The following DUSP4 variants were observed in gnomAD, a reference collection of about 807,000 sequenced individuals.
DUSP4 encodes dual specificity protein phosphatase 4.
Under a neutral mutation model 27.2 loss-of-function variants are expected in DUSP4, and 12 were observed. The ratio of observed to expected loss-of-function variants is 0.44; its 90% CI spans 0.28 to 0.71. DUSP4 has a LOEUF of 0.71. Among genes scored for constraint, DUSP4 ranks in the 30% least tolerant of loss-of-function variants. The probability of loss-of-function intolerance (pLI) is 0.14; values close to 1 mark genes in which losing one functional copy is unlikely to be tolerated. For synonymous variants in DUSP4, 257 were observed against 245.2 expected (o/e 1.05, Z -0.45); for missense variants, 448 against 551.3 (o/e 0.81, Z 1.88).
intron 1 of DUSP4, among the ~76,000 whole-genome samples, chr8:29,349,603 G>A (rs952444010): frequency 6.6e-6 from 1 of 152,340 alleles, no homozygotes; most frequent in Non-Finnish European, 1.5e-5. Context: ...ACGGGGCCTC[G>A]CTAGGACGGT....
rs1409105479 is a variant in DUSP4, at chr8:29,350,117, C to A, written c.162G>T (p.Leu54=). Residue 54 remains leucine (L), a synonymous_variant, in exon 1 of 4, where the codon CTG becomes CTT. Coordinates refer to ENST00000240100, the MANE Select transcript of DUSP4 (RefSeq NM_001394.7). ...CTAGGATGTAGCCCGCGCTGTGCGC[C>A]AGGAACGGTCTGCAGTCCAGCAGCA... is the stretch of plus-strand genomic sequence containing the variant. ...KCLLLDCRPF[L]AHSAGYILGS... 2 of 1,609,332 alleles carry A rather than the reference C, an allele frequency of 1.2e-6. No homozygotes were observed. The highest frequency in any genetic ancestry group is 2.2e-5 in the South Asian group (2 of 90,978).
rs1182402058 is a variant in DUSP4 at position 29,350,442 on chromosome 8, C to T, written c.-164G>A. 2 of 818,308 alleles carry T rather than the reference C, an allele frequency of 2.4e-6. No individual in the cohort carries two copies. Among genetic ancestry groups the T allele is most frequent in the Non-Finnish European group, 3.6e-6 (2 of 549,508 alleles). 50.7% of individuals were successfully genotyped at this position (818,308 alleles called of 1,614,324 possible). ...GCGGGAGAGCCTCTTCTTCCCTGTC[C>T]CCTTCCTCCCGCAGCCTCGCGGTCA... On this transcript the variant is annotated 5_prime_UTR_variant, in exon 1 of 4. Coordinates refer to ENST00000240100, the MANE Select transcript of DUSP4 (RefSeq NM_001394.7).
Position 29,350,540 on chromosome 8 carries a change from A to C in DUSP4, c.-262T>G. The C allele has an allele frequency of 2.0e-6, 1 of 511,786 alleles. No individual in the cohort carries two copies. Among genetic ancestry groups the C allele is most frequent in the Non-Finnish European group, 3.4e-6 (1 of 292,764 alleles). 31.7% of individuals were successfully genotyped at this position (511,786 alleles called of 1,614,324 possible). A position where few individuals can be genotyped will look rare whatever the true frequency, so the allele number is the denominator to read the frequency against. ...GCGGAGGGGGAGGCGCCGGTGGAGG[A>C]GAGTGTGTTTACGAGAGAGGACCGC... On this transcript the variant is annotated 5_prime_UTR_variant, in exon 1 of 4. Coordinates refer to ENST00000240100, the MANE Select transcript of DUSP4 (RefSeq NM_001394.7).
chr8:29,335,995 C>A lies in DUSP4; in HGVS notation c.*1031G>T, dbSNP rs1480655269. On this transcript the variant is annotated 3_prime_UTR_variant, in exon 4 of 4. Coordinates refer to ENST00000240100, the MANE Select transcript of DUSP4 (RefSeq NM_001394.7). ...GTCATGATGACACACACCTGCAGTC[C>A]CAGCTACTCAGGAGGCCGAGGTGGG... 1.6e-4 allele frequency: 25 copies of A among 152,206 alleles called. 1 individual carries two copies. Among genetic ancestry groups the A allele is most frequent in the Admixed American group, 1.6e-3 (25 of 15,278 alleles). 9.4% of individuals were successfully genotyped at this position (152,206 alleles called of 1,614,324 possible).
chr8:29,336,927 C>T lies in DUSP4; in HGVS notation c.*99G>A, dbSNP rs1484177722. 32 of 1,427,902 alleles carry T rather than the reference C, an allele frequency of 2.2e-5. No individual in the cohort carries two copies. Among genetic ancestry groups the T allele is most frequent in the Admixed American group, 2.9e-5 (1 of 34,462 alleles). 88.5% of individuals were successfully genotyped at this position (1,427,902 alleles called of 1,614,324 possible). A position where few individuals can be genotyped will look rare whatever the true frequency, so the allele number is the denominator to read the frequency against. The stretch of plus-strand genomic sequence containing the variant: ...AGAAATGATGGGGAAGGAGCTCGGT[C>T]GCCTGCTCCCAGCTGCTCAGTCCCA... On this transcript the variant is annotated 3_prime_UTR_variant, in exon 4 of 4. Transcript: ENST00000240100.
At chr8:29,340,339 A>T in intron 1 of DUSP4, 96 bp from the exon 2 acceptor site, 2 of 1,459,144 alleles carry the variant, frequency 1.4e-6, no homozygotes. Flanking sequence ...GACTGCTAGG[A>T]AGGCAGGGGC....
rs748464795 is a variant in DUSP4, at chr8:29,350,137, G to A, written c.142C>T (p.Leu48=). ...TGCGCCAGGAACGGTCTGCAGTCCAGCAGCAGGCACTTGCCGCCGCTCGGC... is the reference window on the plus strand; with the variant it reads ...TGCGCCAGGAACGGTCTGCAGTCCAACAGCAGGCACTTGCCGCCGCTCGGC... ...GLPSGGKCLL[L]DCRPFLAHSA... Residue 48 remains leucine (L), a synonymous_variant, in exon 1 of 4, where the codon CTG becomes TTG. Transcript: ENST00000240100. The A allele has an allele frequency of 7.5e-6, 12 of 1,609,190 alleles. No individual in the cohort carries two copies. Among genetic ancestry groups the A allele is most frequent in the Admixed American group, 3.3e-5 (2 of 59,832 alleles).
chr8:29,340,469 T>C (rs1030271507), intron 1 of DUSP4, among the ~76,000 whole-genome samples: 1 of 152,038 alleles, frequency 6.6e-6, no homozygotes, highest in Non-Finnish European at 1.5e-5. Context: ...AAGGATAAGC[T>C]TTATGGACAA....
At chr8:29,342,645 CCTTGT>C (rs1442140768) in intron 1 of DUSP4, among the ~76,000 whole-genome samples, 1 of 152,136 alleles carries the variant, frequency 6.6e-6, no homozygotes, top group Non-Finnish European at 1.5e-5. Context: ...TCAGCAGAAC[CCTTGT>C]CAGGGACCTG....
rs1400776212 is a variant in DUSP4 at position 29,337,601 on chromosome 8, G to A, written c.800-190C>T. Among the ~76,000 whole-genome samples the A allele has an allele frequency of 2.6e-5, 4 of 152,164 alleles. No individual in the cohort carries two copies. Among genetic ancestry groups the A allele is most frequent in the Non-Finnish European group, 5.9e-5 (4 of 68,028 alleles). On this transcript the variant is annotated intron_variant, in intron 3 of 3. Transcript: ENST00000240100. This position sits in a 1 kb window ranked among gnomAD's most constrained non-coding sequence, Gnocchi z 6.4. Reference sequence around the variant, plus strand: ...CCCCAATTCTGAGGTCTATTTTCCCGAATCACTATGCTGAAGCTGGTTAAA... The same window carrying A: ...CCCCAATTCTGAGGTCTATTTTCCCAAATCACTATGCTGAAGCTGGTTAAA...
intron 1 of DUSP4, among the ~76,000 whole-genome samples, chr8:29,341,056 C>T (rs1316031968): frequency 6.6e-6 from 1 of 152,200 alleles, no homozygotes; most frequent in Non-Finnish European, 1.5e-5. Flanking sequence ...AAAAGACAAC[C>T]TTTCAAGCCC....
At position 29,345,296 on chromosome 8, in the gene DUSP4, T is replaced by A. The variant is rs1817714533; in HGVS notation, c.433+4550A>T. The A allele has an allele frequency of 1.9e-6, 3 of 1,557,346 alleles. No individual in the cohort carries two copies. In the East Asian group the frequency reaches 6.8e-5, roughly 35 times the overall value. ...ATTTGCCTTTGGGAACTCTACTTTA[T>A]GTGACTGTTGACTTAGTAAGCACCT... On this transcript the variant is annotated intron_variant, in intron 1 of 3. Transcript: ENST00000240100.
In DUSP4 at chr8:29,349,966, C is replaced by A; in HGVS notation, c.313G>T (p.Val105Phe). The A allele has an allele frequency of 6.3e-7, 1 of 1,587,058 alleles. No homozygotes were observed. Among genetic ancestry groups the A allele is most frequent in the East Asian group, 2.3e-5 (1 of 43,476 alleles). The change falls in exon 1 of 4, where the codon GTC becomes TTC. Residue 105 changes from valine to phenylalanine, a missense_variant. This residue lies in a region of DUSP4 where 345 missense variants were observed against 394.0 expected (regional missense o/e 0.88). Coordinates refer to ENST00000240100, the MANE Select transcript of DUSP4 (RefSeq NM_001394.7). ...GGGCTGCGCTCGTCGTAGACGATGA[C>A]CGCCGAGTAGAGGCCGGAGCGCAAG... ...ARLRSGLYSA[V>F]IVYDERSPRA...
At chr8:29,348,600 C>G (rs1817772041) in intron 1 of DUSP4, 1 of 985,434 alleles carries the variant, frequency 1.0e-6, no homozygotes, top group African/African-American at 1.7e-5. Context: ...CCCCGCTGTC[C>G]GGCAGGGGCG....
At chr8:29,349,747 G>A in intron 1 of DUSP4, 99 bp downstream of exon 1, 2 of 1,346,346 alleles carry the variant, frequency 1.5e-6, no homozygotes, top group Non-Finnish European at 1.9e-6. Flanking sequence ...CCGCAACCAC[G>A]AATCACGCCG....
intron 1 of DUSP4, among the ~76,000 whole-genome samples, chr8:29,341,400 A>C (rs1817653984): frequency 6.6e-6 from 1 of 152,226 alleles, no homozygotes; most frequent in Admixed American, 6.5e-5. Flanking sequence ...CTTGCGCCAA[A>C]TCCCAACCCT....
rs1416546338 is a variant in DUSP4 at position 29,340,279 on chromosome 8, A to G, written c.434-36T>C. On this transcript the variant is annotated intron_variant, in intron 1 of 3. Transcript: ENST00000240100. Reference sequence around the variant, plus strand: ...GAAAGAAGCTCAGGTTAATGGGGTCACTAAGCCAGCAGGAAGTCAGAAAGA... The same window carrying G: ...GAAAGAAGCTCAGGTTAATGGGGTCGCTAAGCCAGCAGGAAGTCAGAAAGA... The G allele has an allele frequency of 4.5e-6, 7 of 1,561,636 alleles. No homozygotes were observed. The South Asian group carries it at 8.3e-5, about 19-fold the overall frequency.
In DUSP4 at chr8:29,350,208, T is replaced by G; in HGVS notation, c.71A>C (p.Asn24Thr). ...GCCGCTGCCGCCCGCGCCGCCGCCATTCTCGTCCCGGTTCATCAGCCTTTT... is the reference window on the plus strand; with the variant it reads ...GCCGCTGCCGCCCGCGCCGCCGCCAGTCTCGTCCCGGTTCATCAGCCTTTT... ...VLKRLMNRDE[N>T]GGGAGGSGSH... is the part of the protein sequence containing the mutation. Residue 24 changes from asparagine (N) to threonine (T), a missense_variant, in exon 1 of 4, where the codon AAT becomes ACT. Asn to Thr is a moderately conservative substitution (Grantham distance 65). Coordinates refer to ENST00000240100, the MANE Select transcript of DUSP4 (RefSeq NM_001394.7). 6.2e-7 allele frequency: 1 copy of G among 1,608,580 alleles called. No homozygotes were observed. The highest frequency in any genetic ancestry group is 1.1e-5 in the South Asian group (1 of 90,816).
intron 1 of DUSP4, among the ~76,000 whole-genome samples, chr8:29,347,475 A>C (rs1303116049): frequency 6.6e-6 from 1 of 152,220 alleles, no homozygotes; most frequent in African/African-American, 2.4e-5. Flanking sequence ...GTTCACCACA[A>C]CAGAGCAGGC....
Sources: allele counts gnomAD v4.1 joint callset (sites outside exome capture counted in the v4.1 genomes callset), GRCh38; gene constraint gnomAD v4.1.1; regional missense constraint gnomAD v4.1.1; non-coding constraint Gnocchi (gnomAD v3.1); transcripts MANE v1.5; gene names NCBI Gene and HGNC (gene_info 2026-07-23, HGNC 2026-07-21).